The following FGF1 variants were observed in gnomAD, a reference collection of about 807,000 sequenced individuals.
FGF1 encodes the protein fibroblast growth factor 1, also known as beta-endothelial cell growth factor.
FGF1 carries 9 observed loss-of-function variants against 13.4 expected under a neutral mutation model. The observed-to-expected ratio is 0.67, with a 90% confidence interval of 0.40 to 1.17. FGF1 has a LOEUF of 1.17. FGF1 is among the 50% of genes most tolerant of loss of function. The probability of loss-of-function intolerance (pLI) is 0.01; values close to 1 mark genes in which losing one functional copy is unlikely to be tolerated. For missense variants in FGF1, 156 were observed against 192.7 expected (o/e 0.81, Z 1.13); for synonymous variants, 93 against 79.0 (o/e 1.18, Z -0.94).
chr5:142,634,179 C>A (rs1055115383), intron 1 of FGF1, among the ~76,000 whole-genome samples: 2 of 135,634 alleles, frequency 1.5e-5, no homozygotes, highest in African/African-American at 2.9e-5. Context: ...GGTGACAGAG[C>A]GAGACTCCAT....
At chr5:142,618,238 C>A (rs1467746412) in intron 1 of FGF1, among the ~76,000 whole-genome samples, 1 of 152,108 alleles carries the variant, frequency 6.6e-6, no homozygotes, top group East Asian at 1.9e-4. Flanking sequence ...GAACACCAAG[C>A]CTATTGGAAC....
intron 1 of FGF1, among the ~76,000 whole-genome samples, chr5:142,678,204 C>A (rs1308991442): frequency 1.3e-5 from 2 of 152,140 alleles, no homozygotes; most frequent in Non-Finnish European, 2.9e-5. Flanking sequence ...TGAAAATCAC[C>A]ACTCTCCCTT....
At chr5:142,605,772 A>G (rs1757522018) in intron 2 of FGF1, among the ~76,000 whole-genome samples, 1 of 152,234 alleles carries the variant, frequency 6.6e-6, no homozygotes, top group African/African-American at 2.4e-5. Flanking sequence ...TCCTTCTGCA[A>G]GTAGGGCTGG....
At chr5:142,599,599 C>T (rs1371172122) in intron 3 of FGF1, among the ~76,000 whole-genome samples, 1 of 152,182 alleles carries the variant, frequency 6.6e-6, no homozygotes, top group African/African-American at 2.4e-5. Flanking sequence ...GAGGAGGGAA[C>T]ATTAAAATCT....
At chr5:142,638,454 A>G (rs534124937) in intron 1 of FGF1, among the ~76,000 whole-genome samples, 5 of 152,080 alleles carry the variant, frequency 3.3e-5, no homozygotes, top group African/African-American at 1.2e-4. Flanking sequence ...TCAGCTTTTT[A>G]TCCCATGTCT....
chr5:142,688,238 A>G (rs996783671), upstream of FGF1, among the ~76,000 whole-genome samples: 1 of 152,236 alleles, frequency 6.6e-6, no homozygotes, highest in African/African-American at 2.4e-5. Flanking sequence ...TATTTACTGT[A>G]ATATAATTCC....
intron 1 of FGF1, among the ~76,000 whole-genome samples, chr5:142,627,680 A>G (rs1442744910): frequency 1.3e-5 from 2 of 152,208 alleles, no homozygotes; most frequent in African/African-American, 2.4e-5. Context: ...AGGGCCCAGG[A>G]TATGCAAAGC....
chr5:142,625,666 G>A (rs1762338756), intron 1 of FGF1, among the ~76,000 whole-genome samples: 2 of 152,146 alleles, frequency 1.3e-5, no homozygotes, highest in South Asian at 2.1e-4. Flanking sequence ...TCCTGCAGAC[G>A]GACACATTAA....
upstream of FGF1, among the ~76,000 whole-genome samples, chr5:142,690,554 C>A (rs1467117744): frequency 6.6e-6 from 1 of 152,162 alleles, no homozygotes; most frequent in Non-Finnish European, 1.5e-5. Flanking sequence ...CATTACTGTG[C>A]ACAATGTCCT....
intron 1 of FGF1, among the ~76,000 whole-genome samples, chr5:142,648,369 A>G (rs1766575223): frequency 6.6e-6 from 1 of 152,160 alleles, no homozygotes; most frequent in African/African-American, 2.4e-5. Flanking sequence ...GACATGGATG[A>G]AGCTGGAAAC....
chr5:142,665,722 C>G (rs139557218), intron 1 of FGF1, among the ~76,000 whole-genome samples: 268 of 152,310 alleles, frequency 1.8e-3, no homozygotes, highest in African/African-American at 5.3e-3. Flanking sequence ...CTCCCCATAT[C>G]TTCAGAAACC....
chr5:142,672,496 T>C (rs1771672922), intron 1 of FGF1, among the ~76,000 whole-genome samples: 1 of 148,872 alleles, frequency 6.7e-6, no homozygotes, highest in Admixed American at 6.8e-5. Flanking sequence ...TCTTTTTCTG[T>C]ACAGTTTTTT....
chr5:142,687,225 T>C (rs960113747), upstream of FGF1, among the ~76,000 whole-genome samples: 2 of 152,134 alleles, frequency 1.3e-5, no homozygotes, highest in African/African-American at 4.8e-5. Context: ...ACTAGAAATA[T>C]GCTCTCCAGT....
intron 1 of FGF1, among the ~76,000 whole-genome samples, chr5:142,658,967 T>C (rs1220609267): frequency 6.6e-6 from 1 of 152,064 alleles, no homozygotes; most frequent in Non-Finnish European, 1.5e-5. Context: ...AGCGGAAGCA[T>C]GCACTCTGAG....
chr5:142,629,361 G>A (rs1484062700), intron 1 of FGF1, among the ~76,000 whole-genome samples: 5 of 152,048 alleles, frequency 3.3e-5, no homozygotes, highest in African/African-American at 4.8e-5. Context: ...ACAAGGTCTC[G>A]CTATGTTGCC....
chr5:142,690,396 C>T (rs900856041), upstream of FGF1, among the ~76,000 whole-genome samples: 1 of 152,126 alleles, frequency 6.6e-6, no homozygotes, highest in African/African-American at 2.4e-5. Context: ...ACACTCTGTG[C>T]ACATGATAAC....
intron 1 of FGF1, among the ~76,000 whole-genome samples, chr5:142,627,833 G>A (rs750924263): frequency 1.3e-4 from 20 of 152,214 alleles, no homozygotes; most frequent in Non-Finnish European, 2.2e-4. Context: ...TTTTAAGGAT[G>A]TGGTCTATTT....
chr5:142,617,741 A>G (rs959016406), intron 1 of FGF1, among the ~76,000 whole-genome samples: 16 of 152,182 alleles, frequency 1.1e-4, no homozygotes, highest in Non-Finnish European at 2.2e-4. Context: ...TGAAACATAT[A>G]AAAAATGAAA....
chr5:142,613,935 G>A (rs747151528), intron 2 of FGF1, 24 bp downstream of exon 2: 35 of 1,608,826 alleles, frequency 2.2e-5, no homozygotes, highest in Non-Finnish European at 5.1e-6. Flanking sequence ...AAAGGGAAGG[G>A]GGGTGCCATA....
Sources: allele counts gnomAD v4.1 joint callset (sites outside exome capture counted in the v4.1 genomes callset), GRCh38; gene constraint gnomAD v4.1.1; transcripts MANE v1.5; gene names NCBI Gene and HGNC (gene_info 2026-07-23, HGNC 2026-07-21).